The following USP24 variants were observed in gnomAD, a reference collection of about 807,000 sequenced individuals.
USP24 encodes the protein ubiquitin carboxyl-terminal hydrolase 24.
In USP24, 97 loss-of-function variants were observed where a neutral mutation model predicts 361.6. The observed-to-expected ratio is 0.27, with a 90% CI of 0.23 to 0.32. USP24 has a LOEUF of 0.32. Ranked by LOEUF, USP24 falls within the 10% of genes least tolerant of loss-of-function variation. USP24 has a pLI of 1.00. For synonymous variants in USP24, 1,098 were observed against 1,124.6 expected, an observed-to-expected ratio of 0.98 and a Z score of 0.47; for missense variants, 2,353 against 3,165.6, an observed-to-expected ratio of 0.74 and a Z score of 6.16.
rs1209668582 is a variant in USP24 at position 55,089,711 on chromosome 1, A to G, written c.6584T>C (p.Ile2195Thr). The G allele has an allele frequency of 2.1e-5, 34 of 1,602,144 alleles. No individual in the cohort carries two copies. Among genetic ancestry groups the G allele is most frequent in the Non-Finnish European group, 2.7e-5 (32 of 1,173,652 alleles). Reference protein sequence around the residue: ...RVDTEEWIATIEALLSKSFDA... With the variant: ...RVDTEEWIATTEALLSKSFDA... Reference sequence around the variant, plus strand: ...AAAACTTTTTGAAAGCAATGCTTCAATGGTAGCAATCCATTCTTCAGTATC... The same window carrying G: ...AAAACTTTTTGAAAGCAATGCTTCAGTGGTAGCAATCCATTCTTCAGTATC... The change falls in exon 55 of 68, where the codon ATT becomes ACT. Residue 2195 changes from isoleucine to threonine, a missense_variant. By Grantham distance (89) the Ile-to-Thr change is moderately conservative (BLOSUM62 -1). Around this residue, in one of 8 missense-constraint regions of USP24, gnomAD observed 598 missense variants for 761.9 expected, o/e 0.78. Coordinates refer to ENST00000294383, the MANE Select transcript of USP24 (RefSeq NM_015306.3).
Position 55,214,956 on chromosome 1 carries a change from T to G in USP24, c.158A>C (p.Tyr53Ser). ...GCCACCGCCGCTGTCCATGGGCTCG[T>G]AGCCGCCGTAGTCGAGGCCCGGCCG... ...NERPGLDYGG[Y>S]EPMDSGGGPS... Residue 53 changes from tyrosine (Y) to serine (S), a missense_variant, in exon 1 of 68, where the codon TAC (tyrosine) becomes TCC (serine). Transcript: ENST00000294383. 2 of 1,424,480 alleles carry G rather than the reference T, an allele frequency of 1.4e-6. No individual in the cohort carries two copies. The highest frequency in any genetic ancestry group is 1.8e-6 in the Non-Finnish European group (2 of 1,083,722). 88.2% of individuals were successfully genotyped at this position (1,424,480 alleles called of 1,614,324 possible).
chr1:55,165,977 G>A (rs17111697), intron 6 of USP24, 27 bp from the exon 7 acceptor site: 1 of 1,586,166 alleles, frequency 6.3e-7, no homozygotes, highest in Non-Finnish European at 8.6e-7. Flanking sequence ...CACACATTAA[G>A]TTATTTTTCT....
At chr1:55,171,800 A>T (rs1324000382) in intron 4 of USP24, 122 bp from the exon 5 acceptor site, 2 of 1,128,580 alleles carry the variant, frequency 1.8e-6, no homozygotes, top group African/African-American at 3.2e-5. Context: ...TTTCAAGAAT[A>T]CACCGAAAGC....
In USP24 at chr1:55,154,763, T is replaced by C. The variant is rs1313420245; in HGVS notation, c.1462A>G (p.Thr488Ala). The C allele has an allele frequency of 6.2e-7, 1 of 1,611,582 alleles. No individual in the cohort carries two copies. Among genetic ancestry groups the C allele is most frequent in the Non-Finnish European group, 8.5e-7 (1 of 1,178,352 alleles). The part of the protein sequence containing the change: ...IWKIQSGQSS[T>A]VIENIHTIIA... ...ATAGTATGAATGTTCTCAATCACAG[T>C]AGATGATTGTCCTGACTGGAAAAGG... is the stretch of plus-strand genomic sequence containing the variant. The change falls in exon 13 of 68, where the codon ACT becomes GCT. Residue 488 changes from threonine (T) to alanine (A), a missense_variant. Transcript: ENST00000294383.
In USP24 at chr1:55,067,099, G is replaced by A. The variant is rs1644837016; in HGVS notation, c.*1946C>T. On this transcript the variant is annotated 3_prime_UTR_variant, in exon 68 of 68. Coordinates refer to ENST00000294383, the MANE Select transcript of USP24 (RefSeq NM_015306.3). ...ACAGTGAGGACGGCAGGTGCTAGGGGTGCGGAAGGCGTTGTTTCCATAGGA... is the reference window on the plus strand; with the variant it reads ...ACAGTGAGGACGGCAGGTGCTAGGGATGCGGAAGGCGTTGTTTCCATAGGA... 1 of 152,170 alleles carries A rather than the reference G, an allele frequency of 6.6e-6. No individual in the cohort carries two copies. Among genetic ancestry groups the A allele is most frequent in the Admixed American group, 6.5e-5 (1 of 15,282 alleles). 9.4% of individuals were successfully genotyped at this position (152,170 alleles called of 1,614,324 possible). A position where few individuals can be genotyped will look rare whatever the true frequency, so the allele number is the denominator to read the frequency against.
intron 5 of USP24, among the ~76,000 whole-genome samples, chr1:55,168,518 A>G (rs1257300898): frequency 6.6e-6 from 1 of 152,196 alleles, no homozygotes; most frequent in African/African-American, 2.4e-5. Context: ...ACCCACAGGC[A>G]GCTGCAGAGC....
chr1:55,138,650 A>G lies in USP24; in HGVS notation c.2886T>C (p.Leu962=). The G allele has an allele frequency of 6.2e-7, 1 of 1,613,058 alleles. No individual in the cohort carries two copies. Among genetic ancestry groups the G allele is most frequent in the East Asian group, 2.2e-5 (1 of 44,856 alleles). Residue 962 remains leucine (L), a synonymous_variant, in exon 26 of 68, where the codon CTT becomes CTC. Coordinates refer to ENST00000294383, the MANE Select transcript of USP24 (RefSeq NM_015306.3). ...GASFHGHLLT[L]NVTYESTKDT... is the part of the protein sequence containing the mutation. ...CTTTGGTAGACTCATAGGTAACATT[A>G]AGGGTTAAAAGATGTCCATGAAATG... is the stretch of plus-strand genomic sequence containing the variant.
chr1:55,135,260 C>T lies in USP24; in HGVS notation c.3202-847G>A, dbSNP rs573240440. ...TCAGCCTCCCAAACTACTAGGATTA[C>T]AGGCATGAGCCACCACACCCAGTCT... On this transcript the variant is annotated intron_variant, in intron 28 of 67. Coordinates refer to ENST00000294383, the MANE Select transcript of USP24 (RefSeq NM_015306.3). 2.0e-4 allele frequency among the ~76,000 whole-genome samples: 30 copies of T among 152,276 alleles called. No homozygotes were observed. In the South Asian group the frequency reaches 5.2e-3, roughly 26 times the overall value.
intron 53 of USP24, among the ~76,000 whole-genome samples, chr1:55,092,410 T>C (rs1039234554): frequency 1.3e-5 from 2 of 152,210 alleles, no homozygotes; most frequent in South Asian, 4.1e-4. Context: ...ACTAAGAATG[T>C]TGTTTTCCCT....
chr1:55,158,227 G>A (rs1169898277), intron 10 of USP24, among the ~76,000 whole-genome samples: 1 of 152,192 alleles, frequency 6.6e-6, no homozygotes, highest in Non-Finnish European at 1.5e-5. Context: ...ATCCTTTCTT[G>A]TCTGGCTAGT....
At chr1:55,169,749 A>AT (rs199588165) in intron 5 of USP24, among the ~76,000 whole-genome samples, 5,428 of 152,258 alleles carry the variant, frequency 0.036, 303 homozygotes, top group African/African-American at 0.12. Flanking sequence ...GGAATGGGAA[A>AT]TAAAGTAAAG....
rs534266372 is a variant in USP24, at chr1:55,104,037, C to A, written c.4881-17G>T. 2 of 1,588,060 alleles carry A rather than the reference C, an allele frequency of 1.3e-6. No individual in the cohort carries two copies. Among genetic ancestry groups the A allele is most frequent in the South Asian group, 2.3e-5 (2 of 86,922 alleles). ...GTACTACACCTAGAAACAAAAGACA[C>A]AAGTCAATTTCAACAATGAATAATC... On this transcript the variant is annotated splice_polypyrimidine_tract_variant and intron_variant, in intron 41 of 67. Transcript: ENST00000294383.
chr1:55,165,928 G>A lies in USP24; in HGVS notation c.884C>T (p.Ala295Val). 6.2e-7 allele frequency: 1 copy of A among 1,606,542 alleles called. No homozygotes were observed. Among genetic ancestry groups the A allele is most frequent in the Non-Finnish European group, 8.5e-7 (1 of 1,175,684 alleles). Residue 295 changes from alanine to valine, a missense_variant, in exon 7 of 68, where the codon GCA becomes GTA. Around this residue, in one of 8 missense-constraint regions of USP24, gnomAD observed 386 missense variants for 560.5 expected, o/e 0.69. Coordinates refer to ENST00000294383, the MANE Select transcript of USP24 (RefSeq NM_015306.3). The part of the protein sequence containing the change: ...VNKFGELGGF[A>V]AIQAKLHSED... Reference sequence around the variant, plus strand: ...TGAATGGAGCTTGGCTTGGATTGCTGCAAATCCACCTAATTCTCCAAACTG... The same window carrying A: ...TGAATGGAGCTTGGCTTGGATTGCTACAAATCCACCTAATTCTCCAAACTG...
Position 55,094,039 on chromosome 1 carries a change from G to C in USP24, c.6252C>G (p.Pro2084=). The C allele has an allele frequency of 6.2e-7, 1 of 1,613,716 alleles. No homozygotes were observed. Among genetic ancestry groups the C allele is most frequent in the African/African-American group, 1.3e-5 (1 of 75,040 alleles). Reference sequence around the variant, plus strand: ...ACAGCCGGTCATTGTTCGGCCTATGGGGCCGAGGGGATGACTGAGGTGAAA... The same window carrying C: ...ACAGCCGGTCATTGTTCGGCCTATGCGGCCGAGGGGATGACTGAGGTGAAA... The part of the protein sequence containing the change: ...PEISPQSSPR[P]HRPNNDRLSI... The change falls in exon 52 of 68, where the codon CCC becomes CCG. Residue 2084 remains proline, a synonymous_variant. Transcript: ENST00000294383.
intron 3 of USP24, among the ~76,000 whole-genome samples, chr1:55,175,158 G>T (rs1300235936): frequency 6.7e-6 from 1 of 150,146 alleles, no homozygotes. Flanking sequence ...GGGAGATTCT[G>T]CCTACCAAAA....
At chr1:55,078,872 C>T (rs551064020) in intron 60 of USP24, among the ~76,000 whole-genome samples, 2 of 150,072 alleles carry the variant, frequency 1.3e-5, no homozygotes, top group Admixed American at 1.3e-4. Context: ...TTTCAGGAGT[C>T]GTTTCCATCA....
At chr1:55,189,024 T>TGTGAA (rs1644215871) in intron 1 of USP24, among the ~76,000 whole-genome samples, 2 of 141,092 alleles carry the variant, frequency 1.4e-5, no homozygotes, top group African/African-American at 5.5e-5. Context: ...TTGGTGAGAA[T>TGTGAA]GTGAAGCAAT....
chr1:55,209,263 C>CT (rs772141831), intron 1 of USP24, among the ~76,000 whole-genome samples: 7 of 151,322 alleles, frequency 4.6e-5, no homozygotes, highest in African/African-American at 7.3e-5. Context: ...CCAACTTCTT[C>CT]TTTTTTTTTC....
At position 55,080,821 on chromosome 1, in the gene USP24, T is replaced by A. The variant is rs918136948; in HGVS notation, c.7078+501A>T. Among the ~76,000 whole-genome samples, 4 of 152,244 alleles carry A rather than the reference T, an allele frequency of 2.6e-5. No individual in the cohort carries two copies. In the South Asian group the frequency reaches 8.3e-4, roughly 31 times the overall value. On this transcript the variant is annotated intron_variant, in intron 59 of 67. Coordinates refer to ENST00000294383, the MANE Select transcript of USP24 (RefSeq NM_015306.3). ...AGACAAAATGGAAAATGCTACCAAC[T>A]GTATCTTACATTCAAATATATTTCA...
Sources: allele counts gnomAD v4.1 joint callset (sites outside exome capture counted in the v4.1 genomes callset), GRCh38; gene constraint gnomAD v4.1.1; regional missense constraint gnomAD v4.1.1; transcripts MANE v1.5; gene names NCBI Gene and HGNC (gene_info 2026-07-23, HGNC 2026-07-21).